CD226: variants seen among roughly 807,000 people sequenced by gnomAD.
CD226 encodes the protein CD226 molecule.
A neutral mutation model predicts 34.9 loss-of-function variants in CD226; 24 were observed. The ratio of observed to expected loss-of-function variants is 0.69; its 90% CI spans 0.50 to 0.97. The LOEUF (loss-of-function observed/expected upper bound fraction) is 0.97, where lower values mean the gene tolerates loss of function less well. Ranked by LOEUF, CD226 falls within the 50% of genes least tolerant of loss-of-function variation. The probability of loss-of-function intolerance (pLI) is 0.00; values close to 1 mark genes in which losing one functional copy is unlikely to be tolerated. For synonymous variants in CD226, 148 were observed against 147.4 expected (o/e 1.00, Z -0.03); for missense variants, 397 against 412.7 (o/e 0.96, Z 0.33).
intron 1 of CD226, among the ~76,000 whole-genome samples, chr18:69,954,222 C>G (rs1465982664): frequency 6.6e-6 from 1 of 152,128 alleles, no homozygotes; most frequent in Non-Finnish European, 1.5e-5. Flanking sequence ...ATGCCAAGTA[C>G]ATTCTAAGAA....
At chr18:69,896,545 G>A (rs1174860311) in intron 2 of CD226, among the ~76,000 whole-genome samples, 1 of 151,964 alleles carries the variant, frequency 6.6e-6, no homozygotes, top group East Asian at 1.9e-4. Context: ...TTTTAAGTCC[G>A]GGAGATAAAT....
Position 69,855,965 on chromosome 18 carries a change from C to T in CD226, c.*8349G>A, listed in dbSNP as rs949157498. On this transcript the variant is annotated 3_prime_UTR_variant, in exon 6 of 6. Transcript: ENST00000582621. The stretch of plus-strand genomic sequence containing the variant: ...TACAGGTATCAAAACATCACATGTA[C>T]CCCCCAAATATATACAACTCCTATA... The T allele has an allele frequency of 6.6e-6, 1 of 151,966 alleles. No individual in the cohort carries two copies. The highest frequency in any genetic ancestry group is 2.4e-5 in the African/African-American group (1 of 41,374). The allele number at this position is 151,966 out of a possible 1,614,324, so 9.4% of individuals were successfully genotyped here.
At chr18:69,934,521 G>T (rs150483613) in intron 2 of CD226, among the ~76,000 whole-genome samples, 1 of 152,196 alleles carries the variant, frequency 6.6e-6, no homozygotes, top group South Asian at 2.1e-4. Flanking sequence ...GTTTGGCCAC[G>T]GTCACCACTG....
At chr18:69,881,791 A>C (rs1170990722) in intron 3 of CD226, among the ~76,000 whole-genome samples, 1 of 152,070 alleles carries the variant, frequency 6.6e-6, no homozygotes, top group Non-Finnish European at 1.5e-5. Flanking sequence ...TCTATACAAT[A>C]ACTGTTGCCT....
At chr18:69,874,072 G>C (rs937005994) in intron 3 of CD226, among the ~76,000 whole-genome samples, 9 of 151,922 alleles carry the variant, frequency 5.9e-5, no homozygotes, top group African/African-American at 1.7e-4. Context: ...GTTTACCATG[G>C]TCCAGTAATC....
chr18:69,902,675 A>T (rs921339024), intron 2 of CD226, among the ~76,000 whole-genome samples: 5 of 151,750 alleles, frequency 3.3e-5, no homozygotes, highest in African/African-American at 1.2e-4. Context: ...TTAGGTGCAG[A>T]TCAAGTGCAA....
At chr18:69,876,843 A>C (rs1983895346) in intron 3 of CD226, among the ~76,000 whole-genome samples, 1 of 145,048 alleles carries the variant, frequency 6.9e-6, no homozygotes, top group Non-Finnish European at 1.5e-5. Flanking sequence ...TTGCAAGTCC[A>C]GGCCTCTAGA....
intron 4 of CD226, among the ~76,000 whole-genome samples, chr18:69,870,461 G>A (rs1011936503): frequency 2.0e-4 from 30 of 151,648 alleles, no homozygotes; most frequent in South Asian, 6.2e-4. Flanking sequence ...TTTTAGTAGA[G>A]ATGGGGTTTC....
chr18:69,878,183 A>G (rs2852148), intron 3 of CD226, among the ~76,000 whole-genome samples: 30 of 152,246 alleles, frequency 2.0e-4, no homozygotes, highest in Admixed American at 2.0e-3. Flanking sequence ...TCTTTAAAAA[A>G]GAAGAATTGT....
intron 5 of CD226, among the ~76,000 whole-genome samples, chr18:69,866,751 A>G (rs1983171682): frequency 6.6e-6 from 1 of 152,166 alleles, no homozygotes; most frequent in African/African-American, 2.4e-5. Flanking sequence ...GTAATTAGCT[A>G]AGCTCAAACA....
chr18:69,864,508 A>G, intron 5 of CD226, 69 bp from the exon 6 acceptor site: 1 of 1,482,454 alleles, frequency 6.7e-7, no homozygotes, highest in Non-Finnish European at 9.3e-7. Context: ...GACATTCAAA[A>G]CATACCTCTC....
chr18:69,947,375 A>C lies in CD226; in HGVS notation c.32T>G (p.Leu11Arg). The C allele has an allele frequency of 6.3e-7, 1 of 1,584,452 alleles. No individual in the cohort carries two copies. The highest frequency in any genetic ancestry group is 8.6e-7 in the Non-Finnish European group (1 of 1,164,272). Residue 11 changes from leucine (L) to arginine (R), a missense_variant, in exon 1 of 6, where the codon CTT (leucine) becomes CGT (arginine). By Grantham distance (102) the Leu-to-Arg change is moderately radical. Transcript: ENST00000582621. ...ATCATCTTTACCTCTGTATACATGA[A>C]GAAGAGCCAAAAGTAAAGTAGGATA... MDYPTLLLAL[L>R]HVYRALCEEV...
At chr18:69,880,402 G>A (rs924479043) in intron 3 of CD226, among the ~76,000 whole-genome samples, 1 of 149,364 alleles carries the variant, frequency 6.7e-6, no homozygotes, top group Non-Finnish European at 1.5e-5. Context: ...AAAGAAGGAG[G>A]GAAGGAAAGG....
intron 2 of CD226, among the ~76,000 whole-genome samples, chr18:69,923,615 C>T (rs2055481272): frequency 1.3e-5 from 2 of 152,188 alleles, no homozygotes; most frequent in South Asian, 4.2e-4. Context: ...AAGTGACAAC[C>T]TCGATAGAAG....
chr18:69,957,514 T>C (rs1379384407), upstream of CD226, among the ~76,000 whole-genome samples: 1 of 152,144 alleles, frequency 6.6e-6, no homozygotes, highest in Non-Finnish European at 1.5e-5. Flanking sequence ...CTTTGATTTA[T>C]TAGGTTATGG....
intron 2 of CD226, among the ~76,000 whole-genome samples, chr18:69,902,513 T>C (rs533942950): frequency 6.6e-6 from 1 of 151,670 alleles, no homozygotes; most frequent in Admixed American, 6.6e-5. Flanking sequence ...CTCTCTCCTT[T>C]CTGACCTCCC....
chr18:69,953,771 A>G (rs763727117), intron 1 of CD226, among the ~76,000 whole-genome samples: 1 of 152,122 alleles, frequency 6.6e-6, no homozygotes, highest in Non-Finnish European at 1.5e-5. Context: ...AGGCCAAGGC[A>G]GGTGGATTGC....
chr18:69,865,244 C>T (rs541091265), intron 5 of CD226, among the ~76,000 whole-genome samples: 1 of 152,310 alleles, frequency 6.6e-6, no homozygotes, highest in African/African-American at 2.4e-5. Flanking sequence ...CCCACCTCAG[C>T]CTCCCAAAGT....
At chr18:69,883,135 G>A (rs1984360504) in intron 3 of CD226, among the ~76,000 whole-genome samples, 1 of 152,140 alleles carries the variant, frequency 6.6e-6, no homozygotes. Flanking sequence ...TGAAGTAGAT[G>A]CAACAAGTTC....
Sources: gnomAD v4.1 joint callset for allele counts (sites outside exome capture counted in the v4.1 genomes callset) on GRCh38, gnomAD v4.1.1 for gene constraint, MANE v1.5 for transcripts, NCBI Gene and HGNC (gene_info 2026-07-23, HGNC 2026-07-21) for gene names.